CROCC2: variants seen among roughly 807,000 people sequenced by gnomAD.
The protein encoded by CROCC2 is ciliary rootlet coiled-coil protein 2.
In CROCC2, 163 loss-of-function variants were observed where a neutral mutation model predicts 177.6. That is an observed-to-expected ratio of 0.92 (90% confidence interval 0.81 to 1.05). The LOEUF (loss-of-function observed/expected upper bound fraction) is 1.05. CROCC2 is among the 50% of genes least tolerant of loss of function. The pLI is 0.00. For synonymous variants in CROCC2, 904 were observed against 787.3 expected, an observed-to-expected ratio of 1.15 and a Z score of -2.48; for missense variants, 1,929 against 1,797.8, an observed-to-expected ratio of 1.07 and a Z score of -1.32.
chr2:240,959,013 G>T, intron 19 of CROCC2: 1 of 358,208 alleles, frequency 2.8e-6, no homozygotes, highest in Non-Finnish European at 5.1e-6. Flanking sequence ...TGTAGGGATG[G>T]GCCCTGCCCC....
intron 14 of CROCC2, among the ~76,000 whole-genome samples, chr2:240,942,727 G>A (rs899095321): frequency 1.6e-4 from 25 of 152,142 alleles, no homozygotes; most frequent in East Asian, 7.7e-4. Context: ...GTGAGGAGTC[G>A]TCTATTTCTG....
chr2:240,953,922 A>G lies in CROCC2; in HGVS notation c.2830-1937A>G, dbSNP rs1395885942. On this transcript the variant is annotated intron_variant, in intron 18 of 31. Coordinates refer to ENST00000690015, the MANE Select transcript of CROCC2 (RefSeq NM_001351305.2). The surrounding 1 kb of genome is among the most constrained non-coding windows in gnomAD (Gnocchi z 4.0). ...TCACCCGAGAGAACGACACGCTTCT[A>G]TATTTGATGAAGTTTTGCCTAAAAT... Among the ~76,000 whole-genome samples the G allele has an allele frequency of 6.6e-6, 1 of 152,158 alleles. No individual in the cohort carries two copies. The highest frequency in any genetic ancestry group is 1.5e-5 in the Non-Finnish European group (1 of 68,042).
rs560418892 is a variant in CROCC2 at position 240,932,399 on chromosome 2, C to T, written c.1029C>T (p.Thr343=). 102 of 717,492 alleles carry T rather than the reference C, an allele frequency of 1.4e-4. No homozygotes were observed. The African/African-American group carries it at 1.5e-3, about 11-fold the overall frequency. 44.4% of individuals were successfully genotyped at this position (717,492 alleles called of 1,614,324 possible). A position where few individuals can be genotyped will look rare whatever the true frequency, so the allele number is the denominator to read the frequency against. ...CGAAGACCATCGCTGCCCTCAGAACCGACCTGCAGAACCTGGTTGGTGGGC... is the reference window on the plus strand; with the variant it reads ...CGAAGACCATCGCTGCCCTCAGAACTGACCTGCAGAACCTGGTTGGTGGGC... The part of the protein sequence containing the change: ...QKAKTIAALR[T]DLQNLVAQED... The change falls in exon 8 of 32, where the codon ACC becomes ACT. Residue 343 remains threonine, a synonymous_variant. Transcript: ENST00000690015.
At chr2:240,934,791 A>G in intron 12 of CROCC2, 125 bp from the exon 13 acceptor site, 2 of 1,110,036 alleles carry the variant, frequency 1.8e-6, no homozygotes, top group South Asian at 4.0e-5. Context: ...CGACCTTCCC[A>G]CCATGTCCGC....
intron 5 of CROCC2, among the ~76,000 whole-genome samples, chr2:240,927,139 G>A (rs2059400287): frequency 6.6e-6 from 1 of 152,180 alleles, no homozygotes; most frequent in South Asian, 2.1e-4. Context: ...TTCCGCTGCT[G>A]CTGTTGAGAA....
At chr2:240,962,074 T>TCA (rs36166235) in intron 20 of CROCC2, among the ~76,000 whole-genome samples, 201 of 108,912 alleles carry the variant, frequency 1.8e-3, no homozygotes, top group African/African-American at 4.7e-3. Context: ...TCACACGCAC[T>TCA]CACACTCACA....
intron 27 of CROCC2, among the ~76,000 whole-genome samples, chr2:240,969,231 A>G (rs1229099762): frequency 6.6e-6 from 1 of 152,196 alleles, no homozygotes; most frequent in Non-Finnish European, 1.5e-5. Context: ...GAAAGGCCCC[A>G]AGGGCAGCCG....
chr2:240,964,138 C>T (rs923909520), intron 21 of CROCC2: 10 of 533,878 alleles, frequency 1.9e-5, no homozygotes, highest in Admixed American at 6.5e-5. Flanking sequence ...GGCAGGATGG[C>T]ACAGCCCTCA....
chr2:240,951,639 C>T (rs1018811520), intron 18 of CROCC2, among the ~76,000 whole-genome samples: 1 of 152,120 alleles, frequency 6.6e-6, no homozygotes, highest in African/African-American at 2.4e-5. Flanking sequence ...TATCCATGCA[C>T]CCAACCTTCC....
intron 18 of CROCC2, chr2:240,954,881 T>A (rs1269405927): frequency 6.6e-6 from 1 of 152,158 alleles, no homozygotes; most frequent in African/African-American, 2.4e-5. Context: ...CGCTCCACAC[T>A]TCTGAGAAAC....
At position 240,933,396 on chromosome 2, in the gene CROCC2, G is replaced by A; in HGVS notation, c.1463+54G>A. ...TGCACAGGGTGTATGGGATCCTGAGGGCCCAGGGCTGCTGTCAGGACAAGC... is the reference window on the plus strand; with the variant it reads ...TGCACAGGGTGTATGGGATCCTGAGAGCCCAGGGCTGCTGTCAGGACAAGC... On this transcript the variant is annotated intron_variant, in intron 10 of 31. Coordinates refer to ENST00000690015, the MANE Select transcript of CROCC2 (RefSeq NM_001351305.2). The A allele has an allele frequency of 3.5e-6, 5 of 1,421,770 alleles. No individual in the cohort carries two copies. In the South Asian group the frequency reaches 5.8e-5, roughly 17 times the overall value. The allele number at this position is 1,421,770 out of a possible 1,614,324, so 88.1% of individuals were successfully genotyped here.
Position 240,958,023 on chromosome 2 carries a change from CCCG to C in CROCC2, c.2944-1277_2944-1275del. The C allele has an allele frequency of 1.0e-6, 1 of 985,380 alleles. No homozygotes were observed. Among genetic ancestry groups the C allele is most frequent in the African/African-American group, 1.7e-5 (1 of 57,350 alleles). 61.0% of individuals were successfully genotyped at this position (985,380 alleles called of 1,614,324 possible). A position where few individuals can be genotyped will look rare whatever the true frequency, so the allele number is the denominator to read the frequency against. Reference sequence around the variant, plus strand: ...TCTCTTGAGCTGGCCCTGAGTCTCCCCCGGACTCGGTACCAGGCCTGCCAGCCA... The same window carrying C: ...TCTCTTGAGCTGGCCCTGAGTCTCCCGACTCGGTACCAGGCCTGCCAGCCA... On this transcript the variant is annotated intron_variant, in intron 19 of 31. Transcript: ENST00000690015. The surrounding 1 kb of genome is among the most constrained non-coding windows in gnomAD (Gnocchi z 6.7).
chr2:240,935,712 A>G, intron 14 of CROCC2, 124 bp downstream of exon 14: 1 of 705,032 alleles, frequency 1.4e-6, no homozygotes, highest in Non-Finnish European at 2.1e-6. Flanking sequence ...CTGTCTTGGT[A>G]ACGGATCAGG....
intron 22 of CROCC2, 86 bp from the exon 23 acceptor site, chr2:240,965,295 G>A (rs577910939): frequency 3.3e-5 from 50 of 1,516,252 alleles, no homozygotes; most frequent in Middle Eastern, 2.2e-4. Context: ...CTCAAGGGAC[G>A]TGTGAGCGGA....
intron 27 of CROCC2, among the ~76,000 whole-genome samples, chr2:240,975,437 G>A (rs75449169): frequency 0.018 from 2,671 of 152,320 alleles, 198 homozygotes; most frequent in Admixed American, 0.12. Flanking sequence ...GGAGACCAGG[G>A]GATACCTGCC....
intron 5 of CROCC2, among the ~76,000 whole-genome samples, chr2:240,926,704 G>T (rs957202934): frequency 2.0e-5 from 3 of 152,220 alleles, no homozygotes; most frequent in African/African-American, 4.8e-5. Flanking sequence ...CAGAGGGGCC[G>T]CCACTCGCCC....
chr2:240,962,008 ACC>A (rs879903259), intron 20 of CROCC2, among the ~76,000 whole-genome samples: 84,849 of 142,360 alleles, frequency 0.6, 24,613 homozygotes, highest in Non-Finnish European at 0.63. Flanking sequence ...CACACTCATC[ACC>A]CACACACACA....
chr2:240,928,011 T>C (rs2059404821), intron 5 of CROCC2, among the ~76,000 whole-genome samples: 1 of 152,250 alleles, frequency 6.6e-6, no homozygotes, highest in South Asian at 2.1e-4. Context: ...AATAGTCTTT[T>C]TGTAGCCTGT....
rs907182633 is a variant in CROCC2, at chr2:240,918,429, C to T, written c.79-297C>T. Among the ~76,000 whole-genome samples the T allele has an allele frequency of 6.6e-6, 1 of 152,180 alleles. No individual in the cohort carries two copies. Among genetic ancestry groups the T allele is most frequent in the Non-Finnish European group, 1.5e-5 (1 of 68,018 alleles). ...AGGGAACTGGCAACCGCTTAGCCAG[C>T]GCTCAGCCCAGCCCCCACCAAGACA... is the stretch of plus-strand genomic sequence containing the variant. On this transcript the variant is annotated intron_variant, in intron 1 of 31. Coordinates refer to ENST00000690015, the MANE Select transcript of CROCC2 (RefSeq NM_001351305.2). The surrounding 1 kb of genome is among the most constrained non-coding windows in gnomAD (Gnocchi z 6.3).
Sources: gnomAD v4.1 joint callset for allele counts (sites outside exome capture counted in the v4.1 genomes callset) on GRCh38, gnomAD v4.1.1 for gene constraint, Gnocchi (gnomAD v3.1) non-coding constraint, MANE v1.5 for transcripts, NCBI Gene and HGNC (gene_info 2026-07-23, HGNC 2026-07-21) for gene names.